Variants in DSC2 observed in about 807,000 individuals in gnomAD.
DSC2 encodes the protein desmocollin 2.
A neutral mutation model predicts 87.6 loss-of-function variants in DSC2; 51 were observed. That is an observed-to-expected ratio of 0.58 (90% CI 0.46 to 0.74). The LOEUF (loss-of-function observed/expected upper bound fraction) is 0.74. Among genes scored for constraint, DSC2 ranks in the 30% least tolerant of loss-of-function variants. The probability of loss-of-function intolerance (pLI) is 0.00; values close to 1 mark genes in which losing one functional copy is unlikely to be tolerated. For synonymous variants in DSC2, 383 were observed against 393.2 expected, an observed-to-expected ratio of 0.97 and a Z score of 0.31; for missense variants, 1,066 against 1,089.5, an observed-to-expected ratio of 0.98 and a Z score of 0.30.
chr18:31,091,715 T>C, intron 3 of DSC2: 1 of 406,932 alleles, frequency 2.5e-6, no homozygotes. Flanking sequence ...AAAATAGTTA[T>C]CTATGTTTTA....
Position 31,070,743 on chromosome 18 carries a change from G to A in DSC2, c.2233C>T (p.Pro745Ser), listed in dbSNP as rs1986795612. The change falls in exon 14 of 16, where the codon CCT becomes TCT. Residue 745 changes from proline to serine, a missense_variant. Transcript: ENST00000280904. ...CTACTTACCACTTTGTCATCTCCAG[G>A]AGCTTCTGTGTTTGATACAATTAGG... ...QNLIVSNTEAPGDDKVYSANG... is the reference protein window; with the variant it reads ...QNLIVSNTEASGDDKVYSANG... The A allele has an allele frequency of 6.2e-7, 1 of 1,613,808 alleles. No homozygotes were observed. The highest frequency in any genetic ancestry group is 1.3e-5 in the African/African-American group (1 of 75,006).
rs903104988 is a variant in DSC2, at chr18:31,061,661, C to T, written c.*6354G>A. On this transcript the variant is annotated 3_prime_UTR_variant, in exon 16 of 16. Coordinates refer to ENST00000280904, the MANE Select transcript of DSC2 (RefSeq NM_024422.6). ...TTGTTGCCTGTTTTTTAGCATTATG[C>T]TCTTTTGTTTTACCTTAAGACTCTA... The T allele has an allele frequency of 6.6e-6, 1 of 152,114 alleles. No homozygotes were observed. Among genetic ancestry groups the T allele is most frequent in the Admixed American group, 6.5e-5 (1 of 15,268 alleles). 9.4% of individuals were successfully genotyped at this position (152,114 alleles called of 1,614,324 possible).
intron 1 of DSC2, among the ~76,000 whole-genome samples, chr18:31,100,172 A>G (rs921413101): frequency 2.6e-5 from 4 of 152,174 alleles, no homozygotes; most frequent in Non-Finnish European, 4.4e-5. Context: ...GCAGAATGAG[A>G]GTGTAGGCAG....
At chr18:31,083,183 G>C (rs1987287734) in intron 7 of DSC2, 123 bp from the exon 8 acceptor site, 2 of 1,096,286 alleles carry the variant, frequency 1.8e-6, no homozygotes, top group Non-Finnish European at 2.6e-6. Flanking sequence ...ACATTTCACA[G>C]CATTCGTGTA....
At chr18:31,070,048 G>A (rs1279920121) in intron 14 of DSC2, among the ~76,000 whole-genome samples, 1 of 152,072 alleles carries the variant, frequency 6.6e-6, no homozygotes, top group Admixed American at 6.6e-5. Context: ...TTGGCCACTA[G>A]TTATTTATGT....
intron 11 of DSC2, among the ~76,000 whole-genome samples, chr18:31,076,883 A>T (rs1200762495): frequency 6.6e-6 from 1 of 152,220 alleles, no homozygotes; most frequent in Non-Finnish European, 1.5e-5. Flanking sequence ...TCGACAGAAC[A>T]AGAAGCATCA....
intron 1 of DSC2, among the ~76,000 whole-genome samples, chr18:31,094,779 T>C (rs1302039932): frequency 6.6e-6 from 1 of 152,252 alleles, no homozygotes; most frequent in Non-Finnish European, 1.5e-5. Flanking sequence ...AATGTTGGGA[T>C]AGACACAATG....
chr18:31,059,950 T>C lies in DSC2; in HGVS notation c.*8065A>G, dbSNP rs1176890096. 6.6e-6 allele frequency: 1 copy of C among 152,184 alleles called. No homozygotes were observed. The highest frequency in any genetic ancestry group is 2.4e-5 in the African/African-American group (1 of 41,456). The allele number at this position is 152,184 out of a possible 1,614,324, so 9.4% of individuals were successfully genotyped here. ...GTGAATTATATAATTTATTCCTAAT[T>C]TGTCCTTATTTGATATGCTAGAAAT... On this transcript the variant is annotated 3_prime_UTR_variant, in exon 16 of 16. Coordinates refer to ENST00000280904, the MANE Select transcript of DSC2 (RefSeq NM_024422.6).
In DSC2 at chr18:31,093,630, G is replaced by A. The variant is rs865966331; in HGVS notation, c.83C>T (p.Ala28Val). ...TGTCACATTTTTGCAGGCATCACTG[G>A]CAAATATTAAGATCTAAAAAATGAA... ...LLLTLAILIFASDACKNVTLH... is the reference protein window; with the variant it reads ...LLLTLAILIFVSDACKNVTLH... The change falls in exon 2 of 16, where the codon GCC (alanine) becomes GTC (valine). Residue 28 changes from alanine (A) to valine (V), a missense_variant. Transcript: ENST00000280904. 1.3e-6 allele frequency: 2 copies of A among 1,585,692 alleles called. No homozygotes were observed. Among genetic ancestry groups the A allele is most frequent in the Non-Finnish European group, 8.6e-7 (1 of 1,162,598 alleles).
rs1986675858 is a variant in DSC2 at position 31,067,843 on chromosome 18, G to T, written c.*172C>A. ...AATATGTAAAAATTGAAAAATTTGTGTACTTGTTTATAGTGTCTCTCTGTA... is the reference window on the plus strand; with the variant it reads ...AATATGTAAAAATTGAAAAATTTGTTTACTTGTTTATAGTGTCTCTCTGTA... On this transcript the variant is annotated 3_prime_UTR_variant, in exon 16 of 16. Coordinates refer to ENST00000280904, the MANE Select transcript of DSC2 (RefSeq NM_024422.6). The T allele has an allele frequency of 3.2e-6, 2 of 625,052 alleles. No homozygotes were observed. Among genetic ancestry groups the T allele is most frequent in the East Asian group, 2.8e-5 (1 of 35,490 alleles). The allele number at this position is 625,052 out of a possible 1,614,324, so 38.7% of individuals were successfully genotyped here.
Position 31,074,632 on chromosome 18 carries a change from C to T in DSC2, c.1888+51G>A, listed in dbSNP as rs144384989. 586 of 1,504,442 alleles carry T rather than the reference C, an allele frequency of 3.9e-4. 5 individuals carry two copies. The African/African-American group carries it at 6.5e-3, about 17-fold the overall frequency. 93.2% of individuals were successfully genotyped at this position (1,504,442 alleles called of 1,614,324 possible). A position where few individuals can be genotyped will look rare whatever the true frequency, so the allele number is the denominator to read the frequency against. On this transcript the variant is annotated intron_variant, in intron 12 of 15. Transcript: ENST00000280904. ...ATTTCATACAAAAAAAAAAAAGTATCGCAGACATCCTGATGTTGAAAAGGA... is the reference window on the plus strand; with the variant it reads ...ATTTCATACAAAAAAAAAAAAGTATTGCAGACATCCTGATGTTGAAAAGGA...
rs894836721 is a variant in DSC2, at chr18:31,066,203, T to A, written c.*1812A>T. 5.3e-5 allele frequency: 8 copies of A among 152,128 alleles called. No individual in the cohort carries two copies. The highest frequency in any genetic ancestry group is 1.9e-4 in the African/African-American group (8 of 41,430). 9.4% of individuals were successfully genotyped at this position (152,128 alleles called of 1,614,324 possible). A position where few individuals can be genotyped will look rare whatever the true frequency, so the allele number is the denominator to read the frequency against. On this transcript the variant is annotated 3_prime_UTR_variant, in exon 16 of 16. Coordinates refer to ENST00000280904, the MANE Select transcript of DSC2 (RefSeq NM_024422.6). ...CTTTAGAATAGTCATATTATATAAATATGGCAATAACAATGCACTGAAAAT... is the reference window on the plus strand; with the variant it reads ...CTTTAGAATAGTCATATTATATAAAAATGGCAATAACAATGCACTGAAAAT...
At position 31,102,153 on chromosome 18, in the gene DSC2, A is replaced by C; in HGVS notation, c.-182T>G. ...TCTCTGAAGCGCCTGCCTCTCATCC[A>C]AGGGGCTTTTCCTTTGGCGGAGGGA... is the stretch of plus-strand genomic sequence containing the variant. On this transcript the variant is annotated 5_prime_UTR_variant, in exon 1 of 16. Coordinates refer to ENST00000280904, the MANE Select transcript of DSC2 (RefSeq NM_024422.6). 1 of 505,680 alleles carries C rather than the reference A, an allele frequency of 2.0e-6. No homozygotes were observed. The highest frequency in any genetic ancestry group is 3.4e-6 in the Non-Finnish European group (1 of 297,592). 31.3% of individuals were successfully genotyped at this position (505,680 alleles called of 1,614,324 possible).
At chr18:31,075,774 C>T (rs527289084) in intron 11 of DSC2, among the ~76,000 whole-genome samples, 1 of 152,080 alleles carries the variant, frequency 6.6e-6, no homozygotes, top group Admixed American at 6.5e-5. Context: ...CGCTTGAACC[C>T]GGGAGGCGGA....
rs1382400407 is a variant in DSC2, at chr18:31,089,575, T to C, written c.494A>G (p.Gln165Arg). The C allele has an allele frequency of 6.2e-7, 1 of 1,613,794 alleles. No homozygotes were observed. Among genetic ancestry groups the C allele is most frequent in the Non-Finnish European group, 8.5e-7 (1 of 1,179,888 alleles). ...TATGGAATAGTATATGGTATAGTTT[T>C]GGGCCGTGTCAGATTGAACCTAGAA... ...FLQQVQSDTA[Q>R]NYTIYYSIRG... is the part of the protein sequence containing the mutation. Residue 165 changes from glutamine (Q) to arginine (R), a missense_variant, in exon 5 of 16, where the codon CAA becomes CGA. Gln to Arg is a conservative substitution (Grantham distance 43). Coordinates refer to ENST00000280904, the MANE Select transcript of DSC2 (RefSeq NM_024422.6).
intron 13 of DSC2, among the ~76,000 whole-genome samples, chr18:31,071,111 T>A (rs1986813709): frequency 6.6e-6 from 1 of 152,040 alleles, no homozygotes; most frequent in African/African-American, 2.4e-5. Context: ...CTACATTGAA[T>A]TTTATGTCTA....
Position 31,080,208 on chromosome 18 carries a change from C to T in DSC2, c.1408G>A (p.Glu470Lys). ...VNVEDQDEGP[E>K]CNPPIQTVRM... is the part of the protein sequence containing the mutation. ...ACAGTCTGTATTGGAGGGTTACACT[C>T]AGGGCCCTCATCCTGATCTTCTACA... is the stretch of plus-strand genomic sequence containing the variant. Residue 470 changes from glutamate (E) to lysine (K), a missense_variant, in exon 10 of 16, where the codon GAG becomes AAG. Physicochemically the swap from Glu to Lys is moderately conservative, Grantham distance 56. Coordinates refer to ENST00000280904, the MANE Select transcript of DSC2 (RefSeq NM_024422.6). 1 of 1,614,104 alleles carries T rather than the reference C, an allele frequency of 6.2e-7. No homozygotes were observed. Among genetic ancestry groups the T allele is most frequent in the Non-Finnish European group, 8.5e-7 (1 of 1,180,012 alleles).
Position 31,070,778 on chromosome 18 carries a change from G to GC in DSC2, c.2197dup (p.Ala733GlyfsTer16). 1 of 1,613,948 alleles carries GC rather than the reference G, an allele frequency of 6.2e-7. No individual in the cohort carries two copies. Among genetic ancestry groups the GC allele is most frequent in the Non-Finnish European group, 8.5e-7 (1 of 1,179,884 alleles). On this transcript the variant is annotated frameshift_variant, in exon 14 of 16. Coordinates refer to ENST00000280904, the MANE Select transcript of DSC2 (RefSeq NM_024422.6). LOFTEE classifies it high-confidence loss of function. ...GTTTGATACAATTAGGTTCTGCTGG[G>GC]CTAAATCATCAGGAATTACTTTTGG... is the stretch of plus-strand genomic sequence containing the variant.
rs780446276 is a variant in DSC2, at chr18:31,080,147, C to T, written c.1469G>A (p.Ser490Asn). 4.3e-6 allele frequency: 7 copies of T among 1,613,936 alleles called. No individual in the cohort carries two copies. The highest frequency in any genetic ancestry group is 2.7e-5 in the African/African-American group (2 of 74,928). ...MKENAEVGTT[S>N]NGYKAYDPET... is the part of the protein sequence containing the mutation. ...TGGGTCATATGCTTTATATCCATTG[C>T]TTGTTGTTCCCACTTCTGCATTTTC... The change falls in exon 10 of 16, where the codon AGC (serine) becomes AAC (asparagine). Residue 490 changes from serine to asparagine, a missense_variant. Ser to Asn is a conservative substitution (Grantham distance 46). Coordinates refer to ENST00000280904, the MANE Select transcript of DSC2 (RefSeq NM_024422.6).
Sources: gnomAD v4.1 joint callset for allele counts (sites outside exome capture counted in the v4.1 genomes callset) on GRCh38, gnomAD v4.1.1 for gene constraint, MANE v1.5 for transcripts, NCBI Gene and HGNC (gene_info 2026-07-23, HGNC 2026-07-21) for gene names.